Variants in CREB5 observed in about 807,000 individuals in gnomAD.
CREB5 encodes the protein cyclic AMP-responsive element-binding protein 5.
CREB5 carries 19 observed loss-of-function variants against 57.1 expected under a neutral mutation model. The ratio of observed to expected loss-of-function variants is 0.33; its 90% CI spans 0.23 to 0.49. The LOEUF (loss-of-function observed/expected upper bound fraction) is 0.49. Ranked by LOEUF, CREB5 falls within the 20% of genes least tolerant of loss-of-function variation. CREB5 has a pLI of 0.99. For synonymous variants in CREB5, 238 were observed against 238.3 expected, an observed-to-expected ratio of 1.00 and a Z score of 0.01; for missense variants, 579 against 671.6, an observed-to-expected ratio of 0.86 and a Z score of 1.52.
At chr7:28,578,521 T>G (rs183113027) in intron 5 of CREB5, among the ~76,000 whole-genome samples, 1 of 152,222 alleles carries the variant, frequency 6.6e-6, no homozygotes, top group African/African-American at 2.4e-5. Context: ...TACACTTTGC[T>G]TTTTTGAAGA....
upstream of CREB5, among the ~76,000 whole-genome samples, chr7:28,408,956 C>G (rs531901310): frequency 2.0e-5 from 3 of 151,818 alleles, no homozygotes; most frequent in Non-Finnish European, 4.4e-5. Flanking sequence ...CTCCCCACCT[C>G]TCCCCTACCC....
chr7:28,601,658 A>T (rs1327243915), intron 5 of CREB5, among the ~76,000 whole-genome samples: 1 of 152,240 alleles, frequency 6.6e-6, no homozygotes, highest in Non-Finnish European at 1.5e-5. Context: ...AAAGCTTAAA[A>T]TAACAGAAGA....
At chr7:28,473,470 C>T (rs1022005782) in intron 1 of CREB5, among the ~76,000 whole-genome samples, 1 of 152,054 alleles carries the variant, frequency 6.6e-6, no homozygotes, top group Non-Finnish European at 1.5e-5. Flanking sequence ...GCTTGTTTTG[C>T]TTTTTGTTTC....
chr7:28,788,678 T>C (rs1217782832), intron 7 of CREB5, among the ~76,000 whole-genome samples: 4 of 152,200 alleles, frequency 2.6e-5, no homozygotes, highest in Admixed American at 2.0e-4. Context: ...AATGAGGAGC[T>C]GCCATGCTCA....
At chr7:28,467,302 G>C (rs1011582402) in intron 1 of CREB5, among the ~76,000 whole-genome samples, 1 of 152,204 alleles carries the variant, frequency 6.6e-6, no homozygotes, top group Non-Finnish European at 1.5e-5. Context: ...AGGGTCATTA[G>C]GACTGGCCAT....
At chr7:28,478,312 A>C (rs1791165958) in intron 1 of CREB5, among the ~76,000 whole-genome samples, 1 of 151,986 alleles carries the variant, frequency 6.6e-6, no homozygotes. Context: ...CTTGTTTATC[A>C]GGATGAAAGG....
rs771682117 is a variant in CREB5, at chr7:28,507,680, G to A, written c.234G>A (p.Leu78=). The A allele has an allele frequency of 1.9e-5, 30 of 1,612,524 alleles. No individual in the cohort carries two copies. Among genetic ancestry groups the A allele is most frequent in the Non-Finnish European group, 2.5e-5 (30 of 1,178,852 alleles). Residue 78 remains leucine, a synonymous_variant, in exon 4 of 11, where the codon CTG becomes CTA. Transcript: ENST00000357727. ...NCEEVGLFSE[L]DCSLEHEFRK... ...AGGAGGTGGGCCTCTTCAGCGAGCTGGACTGCTCCCTGGAGCACGAGTTCA... is the reference window on the plus strand; with the variant it reads ...AGGAGGTGGGCCTCTTCAGCGAGCTAGACTGCTCCCTGGAGCACGAGTTCA...
chr7:28,744,061 TCA>T (rs541378984), intron 7 of CREB5, among the ~76,000 whole-genome samples: 19 of 111,866 alleles, frequency 1.7e-4, no homozygotes, highest in Middle Eastern at 4.0e-3. Context: ...CCATGTGATC[TCA>T]TTGTTCAATT....
chr7:28,410,717 A>G, upstream of CREB5: 1 of 376,102 alleles, frequency 2.7e-6, no homozygotes, highest in Non-Finnish European at 5.3e-6. Flanking sequence ...CTTCTCTGAC[A>G]TGTGTCAAGG....
chr7:28,606,113 G>T (rs1049032301), intron 5 of CREB5, among the ~76,000 whole-genome samples: 1 of 152,020 alleles, frequency 6.6e-6, no homozygotes, highest in Non-Finnish European at 1.5e-5. Flanking sequence ...CTTTGATCTT[G>T]CCCTCAATAC....
intron 1 of CREB5, among the ~76,000 whole-genome samples, chr7:28,358,515 G>T (rs1291745749): frequency 6.6e-6 from 1 of 152,218 alleles, no homozygotes; most frequent in Non-Finnish European, 1.5e-5. Context: ...GAGCTCTGGT[G>T]GTTAACCAAA....
chr7:28,743,849 T>A (rs1306483282), intron 7 of CREB5, among the ~76,000 whole-genome samples: 2 of 143,898 alleles, frequency 1.4e-5, no homozygotes, highest in Non-Finnish European at 1.5e-5. Flanking sequence ...TTTTTTTTTT[T>A]TTTTTTTTTT....
chr7:28,374,858 G>A (rs1408070148), intron 1 of CREB5, among the ~76,000 whole-genome samples: 1 of 152,144 alleles, frequency 6.6e-6, no homozygotes, highest in Admixed American at 6.5e-5. Context: ...TTGATAGGAG[G>A]TCACTCAGTG....
At chr7:28,348,834 C>T (rs978935673) in intron 1 of CREB5, among the ~76,000 whole-genome samples, 11 of 152,206 alleles carry the variant, frequency 7.2e-5, no homozygotes, top group Non-Finnish European at 7.3e-5. Flanking sequence ...ATCCACATGG[C>T]GGCTGTGTGT....
chr7:28,825,409 G>T lies in CREB5; in HGVS notation c.*6130G>T, dbSNP rs143456273. The T allele has an allele frequency of 4.3e-3, 660 of 152,440 alleles. 5 individuals are homozygous for T. Among genetic ancestry groups the T allele is most frequent in the Non-Finnish European group, 6.5e-3 (439 of 67,982 alleles). The allele number at this position is 152,440 out of a possible 1,614,324, so 9.4% of individuals were successfully genotyped here. On this transcript the variant is annotated 3_prime_UTR_variant, in exon 11 of 11. Coordinates refer to ENST00000357727, the MANE Select transcript of CREB5 (RefSeq NM_182898.4). ...ATAGGGTTTGGGATCCTCTGAAAAGGCCCAGAAAAATAGCTCAGTTCAAAT... is the reference window on the plus strand; with the variant it reads ...ATAGGGTTTGGGATCCTCTGAAAAGTCCCAGAAAAATAGCTCAGTTCAAAT...
chr7:28,618,732 T>C (rs974107914), intron 5 of CREB5, among the ~76,000 whole-genome samples: 2 of 152,200 alleles, frequency 1.3e-5, no homozygotes, highest in Non-Finnish European at 2.9e-5. Flanking sequence ...CACCCACCCC[T>C]GGCTAGACAA....
intron 5 of CREB5, among the ~76,000 whole-genome samples, chr7:28,702,155 A>G (rs977190967): frequency 6.6e-6 from 1 of 152,142 alleles, no homozygotes; most frequent in Non-Finnish European, 1.5e-5. Context: ...TGGCACTTAT[A>G]ATTATAGCTC....
chr7:28,610,470 A>G (rs1047234814), intron 5 of CREB5, among the ~76,000 whole-genome samples: 6 of 152,216 alleles, frequency 3.9e-5, no homozygotes, highest in Non-Finnish European at 7.3e-5. Context: ...TATTCACCGC[A>G]TACATTCACG....
rs187591303 is a variant in CREB5 at position 28,376,436 on chromosome 7, T to C, written c.-25+76995T>C. Among the ~76,000 whole-genome samples the C allele has an allele frequency of 1.2e-3, 177 of 152,030 alleles. 1 individual carries two copies. The highest frequency in any genetic ancestry group is 4.0e-3 in the African/African-American group (164 of 41,488). On this transcript the variant is annotated intron_variant, in intron 1 of 9. Coordinates refer to the CREB5 transcript ENST00000396299. The stretch of plus-strand genomic sequence containing the variant: ...GGTGTGTGCTGCCACACCCAGCTAA[T>C]GTTTTGTATTTTTAGTAGAGACGAA...
Sources: gnomAD v4.1 joint callset for allele counts (sites outside exome capture counted in the v4.1 genomes callset) on GRCh38, gnomAD v4.1.1 for gene constraint, MANE v1.5 for transcripts, NCBI Gene and HGNC (gene_info 2026-07-23, HGNC 2026-07-21) for gene names.